The following DRAXIN variants were observed in gnomAD, a reference collection of about 807,000 sequenced individuals.
The protein encoded by DRAXIN is dorsal inhibitory axon guidance protein, also known as dorsal repulsive axon guidance protein.
In DRAXIN, 27 loss-of-function variants were observed where a neutral mutation model predicts 33.9. That is an observed-to-expected ratio of 0.80 (90% confidence interval 0.59 to 1.10). The LOEUF (loss-of-function observed/expected upper bound fraction) is 1.10. Among genes scored for constraint, DRAXIN ranks in the 50% least tolerant of loss-of-function variants. The pLI is 0.00. For synonymous variants in DRAXIN, 178 were observed against 194.0 expected (o/e 0.92, Z 0.69); for missense variants, 371 against 460.8 (o/e 0.81, Z 1.78).
At chr1:11,715,229 G>T in intron 6 of DRAXIN, 21 bp downstream of exon 6, 1 of 1,613,984 alleles carries the variant, frequency 6.2e-7, no homozygotes, top group Non-Finnish European at 8.5e-7. Flanking sequence ...ACTCCTTTGC[G>T]GGGGGCTACC....
Position 11,692,326 on chromosome 1 carries a change from G to A in DRAXIN, c.-11+473G>A, listed in dbSNP as rs1007495598. Among the ~76,000 whole-genome samples, 2 of 152,274 alleles carry A rather than the reference G, an allele frequency of 1.3e-5. No individual in the cohort carries two copies. Among genetic ancestry groups the A allele is most frequent in the South Asian group, 4.1e-4 (2 of 4,826 alleles). On this transcript the variant is annotated intron_variant, in intron 1 of 6. Coordinates refer to ENST00000294485, the MANE Select transcript of DRAXIN (RefSeq NM_198545.4). The surrounding 1 kb of genome is among the most constrained non-coding windows in gnomAD (Gnocchi z 5.8). Reference sequence around the variant, plus strand: ...AGTCTTCGAAGACTCCCTGAGCCCCGGGCAGAGCTGGCGGGCGTGCCCTCC... The same window carrying A: ...AGTCTTCGAAGACTCCCTGAGCCCCAGGCAGAGCTGGCGGGCGTGCCCTCC...
chr1:11,718,289 T>A (rs1473518545), intron 6 of DRAXIN, among the ~76,000 whole-genome samples: 3 of 122,636 alleles, frequency 2.4e-5, no homozygotes, highest in Non-Finnish European at 4.8e-5. Flanking sequence ...CACTCCAGCC[T>A]GGGTGACAAG....
chr1:11,693,331 T>C (rs530143265), intron 1 of DRAXIN, among the ~76,000 whole-genome samples: 37 of 152,138 alleles, frequency 2.4e-4, no homozygotes, highest in Non-Finnish European at 5.1e-4. Flanking sequence ...ATGCCTTTAA[T>C]AGCGGCACCA....
intron 1 of DRAXIN, among the ~76,000 whole-genome samples, chr1:11,698,030 G>T (rs929415100): frequency 1.3e-5 from 2 of 151,986 alleles, no homozygotes; most frequent in African/African-American, 4.8e-5. Context: ...GCACTGCCGG[G>T]CTCCATCCAT....
Position 11,719,779 on chromosome 1 carries a change from T to G in DRAXIN, c.*83T>G. ...TTGTAACTAGCAGTGGGAGATCAAGTTGGGGAACAGATGGCTGAGGCTGCA... is the reference window on the plus strand; with the variant it reads ...TTGTAACTAGCAGTGGGAGATCAAGGTGGGGAACAGATGGCTGAGGCTGCA... On this transcript the variant is annotated 3_prime_UTR_variant, in exon 7 of 7. Coordinates refer to ENST00000294485, the MANE Select transcript of DRAXIN (RefSeq NM_198545.4). 2 of 1,241,144 alleles carry G rather than the reference T, an allele frequency of 1.6e-6. No homozygotes were observed. Among genetic ancestry groups the G allele is most frequent in the Non-Finnish European group, 2.3e-6 (2 of 863,590 alleles). 76.9% of individuals were successfully genotyped at this position (1,241,144 alleles called of 1,614,324 possible).
At position 11,714,970 on chromosome 1, in the gene DRAXIN, C is replaced by T. The variant is rs1455941699; in HGVS notation, c.848-149C>T. 8.2e-6 allele frequency: 7 copies of T among 853,732 alleles called. No individual in the cohort carries two copies. The Admixed American group carries it at 1.5e-4, about 18-fold the overall frequency. The allele number at this position is 853,732 out of a possible 1,614,324, so 52.9% of individuals were successfully genotyped here. ...GCCATGACATCTCCCTGTGGTTCCACTCAGGAGCCTTGCACACCAGATGGC... is the reference window on the plus strand; with the variant it reads ...GCCATGACATCTCCCTGTGGTTCCATTCAGGAGCCTTGCACACCAGATGGC... On this transcript the variant is annotated intron_variant, in intron 5 of 6. Transcript: ENST00000294485.
Position 11,692,063 on chromosome 1 carries a change from G to C in DRAXIN, c.-11+210G>C, listed in dbSNP as rs1021758895. ...TCCTCTCCTCGCCGCGTCTGCCCAC[G>C]GACCCTGGCTCTGCTCCCGGGCTCC... On this transcript the variant is annotated intron_variant, in intron 1 of 6. Coordinates refer to ENST00000294485, the MANE Select transcript of DRAXIN (RefSeq NM_198545.4). The surrounding 1 kb of genome is among the most constrained non-coding windows in gnomAD (Gnocchi z 5.8). Among the ~76,000 whole-genome samples the C allele has an allele frequency of 2.6e-5, 4 of 151,970 alleles. No homozygotes were observed. Among genetic ancestry groups the C allele is most frequent in the Admixed American group, 6.5e-5 (1 of 15,274 alleles).
Position 11,715,208 on chromosome 1 carries a change from G to T in DRAXIN, c.937G>T (p.Gly313Trp). Residue 313 changes from glycine (G) to tryptophan (W), a missense_variant and splice_region_variant, in exon 6 of 7, where the codon GGG (glycine) becomes TGG (tryptophan). Transcript: ENST00000294485. ...KCFDDCMCVE[G>W]LRCYAKFHRN... ...CTTCGATGACTGCATGTGTGTGGAA[G>T]GTGGGTCCAGACTCCTTTGCGGGGG... 6.2e-7 allele frequency: 1 copy of T among 1,614,240 alleles called. No individual in the cohort carries two copies. The highest frequency in any genetic ancestry group is 8.5e-7 in the Non-Finnish European group (1 of 1,180,040).
chr1:11,705,148 G>A lies in DRAXIN; in HGVS notation c.-10-1101G>A, dbSNP rs976362839. ...ATATGGCCACAAATCACAAAGAAAC[G>A]GTGGCGTAAGCACCCTTGCCAGCCT... is the stretch of plus-strand genomic sequence containing the variant. On this transcript the variant is annotated intron_variant, in intron 1 of 6. Transcript: ENST00000294485. This position sits in a 1 kb window ranked among gnomAD's most constrained non-coding sequence, Gnocchi z 4.8. 5.3e-5 allele frequency among the ~76,000 whole-genome samples: 8 copies of A among 152,188 alleles called. No homozygotes were observed. The highest frequency in any genetic ancestry group is 1.9e-4 in the African/African-American group (8 of 41,442).
At chr1:11,700,987 G>C (rs1557687653) in intron 1 of DRAXIN, among the ~76,000 whole-genome samples, 1 of 152,200 alleles carries the variant, frequency 6.6e-6, no homozygotes. Flanking sequence ...TGTTGTGGGG[G>C]GAGGGGCTCA....
chr1:11,704,298 A>C lies in DRAXIN; in HGVS notation c.-10-1951A>C, dbSNP rs1044924009. On this transcript the variant is annotated intron_variant, in intron 1 of 6. Coordinates refer to ENST00000294485, the MANE Select transcript of DRAXIN (RefSeq NM_198545.4). The surrounding 1 kb of genome is among the most constrained non-coding windows in gnomAD (Gnocchi z 4.6). ...GGGTCTCGGACATGGACGGGATCCC[A>C]TATGCGCTTGGCCTTTCCAGTCACA... Among the ~76,000 whole-genome samples the C allele has an allele frequency of 6.6e-6, 1 of 152,208 alleles. No individual in the cohort carries two copies. Among genetic ancestry groups the C allele is most frequent in the African/African-American group, 2.4e-5 (1 of 41,446 alleles).
chr1:11,690,348 C>T (rs1557683656), upstream of DRAXIN, among the ~76,000 whole-genome samples: 1 of 152,138 alleles, frequency 6.6e-6, no homozygotes, highest in Non-Finnish European at 1.5e-5. The surrounding 1 kb of genome is among the most constrained non-coding windows in gnomAD (Gnocchi z 4.2). Context: ...TCCTGGTGCC[C>T]ACCAAGCTAA....
rs1017371903 is a variant in DRAXIN at position 11,721,155 on chromosome 1, C to T, written c.*1459C>T. 3 of 152,210 alleles carry T rather than the reference C, an allele frequency of 2.0e-5. No individual in the cohort carries two copies. The highest frequency in any genetic ancestry group is 7.2e-5 in the African/African-American group (3 of 41,440). The allele number at this position is 152,210 out of a possible 1,614,324, so 9.4% of individuals were successfully genotyped here. A position where few individuals can be genotyped will look rare whatever the true frequency, so the allele number is the denominator to read the frequency against. On this transcript the variant is annotated 3_prime_UTR_variant, in exon 7 of 7. Coordinates refer to ENST00000294485, the MANE Select transcript of DRAXIN (RefSeq NM_198545.4). ...ATCCAAAAAAACCCCACACATATTG[C>T]CCATGTTTACCCACTTTGCATACTG...
chr1:11,710,511 G>A (rs943427050), intron 3 of DRAXIN, among the ~76,000 whole-genome samples: 1 of 150,458 alleles, frequency 6.6e-6, no homozygotes, highest in African/African-American at 2.4e-5. Flanking sequence ...AAAAAAAAAT[G>A]TGGAGAGAAA....
intron 2 of DRAXIN, among the ~76,000 whole-genome samples, chr1:11,708,812 A>C (rs6687381): frequency 0.61 from 92,144 of 151,954 alleles, 28,169 homozygotes; most frequent in East Asian, 0.82. Context: ...TTGTCACCAC[A>C]CAGGATGCAC....
In DRAXIN at chr1:11,692,522, C is replaced by T. The variant is rs549061663; in HGVS notation, c.-11+669C>T. ...TCGCCTGTGGTCTCCCGCTCTGTCCCTCCTGCTCCCCACCGCCGGCTTTTG... is the reference window on the plus strand; with the variant it reads ...TCGCCTGTGGTCTCCCGCTCTGTCCTTCCTGCTCCCCACCGCCGGCTTTTG... On this transcript the variant is annotated intron_variant, in intron 1 of 6. Coordinates refer to ENST00000294485, the MANE Select transcript of DRAXIN (RefSeq NM_198545.4). This position sits in a 1 kb window ranked among gnomAD's most constrained non-coding sequence, Gnocchi z 5.8. Among the ~76,000 whole-genome samples, 15 of 152,312 alleles carry T rather than the reference C, an allele frequency of 9.8e-5. No homozygotes were observed. Among genetic ancestry groups the T allele is most frequent in the African/African-American group, 3.4e-4 (14 of 41,584 alleles).
chr1:11,713,275 C>T (rs12567844), intron 5 of DRAXIN, among the ~76,000 whole-genome samples: 3 of 151,942 alleles, frequency 2.0e-5, no homozygotes, highest in Non-Finnish European at 4.4e-5. Context: ...GCTGTCTTGC[C>T]CAAGGTCACA....
chr1:11,719,864 G>A lies in DRAXIN; in HGVS notation c.*168G>A, dbSNP rs1251440218. ...AGCCGCTCGGCGAATGAGCTGGGTG[G>A]GTGCCCAGGAGCCGGCCCGCAGCAC... is the stretch of plus-strand genomic sequence containing the variant. On this transcript the variant is annotated 3_prime_UTR_variant, in exon 7 of 7. Coordinates refer to ENST00000294485, the MANE Select transcript of DRAXIN (RefSeq NM_198545.4). 1 of 648,736 alleles carries A rather than the reference G, an allele frequency of 1.5e-6. No individual in the cohort carries two copies. Among genetic ancestry groups the A allele is most frequent in the Non-Finnish European group, 2.7e-6 (1 of 371,642 alleles). 40.2% of individuals were successfully genotyped at this position (648,736 alleles called of 1,614,324 possible).
At chr1:11,712,287 A>T in intron 4 of DRAXIN, 53 bp from the exon 5 acceptor site, 1 of 1,604,162 alleles carries the variant, frequency 6.2e-7, no homozygotes. Context: ...CCCTGTGCTT[A>T]ACCTCTGCTC....
Sources: allele counts gnomAD v4.1 joint callset (sites outside exome capture counted in the v4.1 genomes callset), GRCh38; gene constraint gnomAD v4.1.1; non-coding constraint Gnocchi (gnomAD v3.1); transcripts MANE v1.5; gene names NCBI Gene and HGNC (gene_info 2026-07-23, HGNC 2026-07-21).